Variants in LDLRAD3 observed in about 807,000 individuals in gnomAD.
The protein encoded by LDLRAD3 is low density lipoprotein receptor class A domain containing 3.
A neutral mutation model predicts 29.4 loss-of-function variants in LDLRAD3; 20 were observed. The observed-to-expected ratio is 0.68, with a 90% CI of 0.48 to 0.99. The LOEUF (loss-of-function observed/expected upper bound fraction) is 0.99. Ranked by LOEUF, LDLRAD3 falls within the 50% of genes least tolerant of loss-of-function variation. The pLI is 0.00. For synonymous variants in LDLRAD3, 157 were observed against 192.7 expected (o/e 0.81, Z 1.53); for missense variants, 420 against 454.3 (o/e 0.92, Z 0.69).
chr11:36,062,329 C>T (rs1852713695), intron 2 of LDLRAD3, among the ~76,000 whole-genome samples: 1 of 152,182 alleles, frequency 6.6e-6, no homozygotes. Context: ...GTTGGTTCTT[C>T]AACCTCAAAA....
At chr11:36,030,975 A>C (rs531125189) in intron 1 of LDLRAD3, among the ~76,000 whole-genome samples, 6 of 152,214 alleles carry the variant, frequency 3.9e-5, no homozygotes, top group Non-Finnish European at 7.3e-5. Flanking sequence ...TAGTTGCCCC[A>C]GTTTGGGCCC....
chr11:36,119,724 T>A (rs1177175606), intron 4 of LDLRAD3, among the ~76,000 whole-genome samples: 1 of 152,230 alleles, frequency 6.6e-6, no homozygotes, highest in Admixed American at 6.5e-5. Flanking sequence ...TTTTTAATTC[T>A]TCAGACAATT....
intron 1 of LDLRAD3, among the ~76,000 whole-genome samples, chr11:36,027,387 C>A (rs1052339143): frequency 6.6e-6 from 1 of 152,108 alleles, no homozygotes; most frequent in Non-Finnish European, 1.5e-5. Flanking sequence ...ATTGATACTT[C>A]GTGGGTTATA....
intron 3 of LDLRAD3, among the ~76,000 whole-genome samples, chr11:36,091,201 G>A (rs1410643749): frequency 5.9e-5 from 9 of 152,222 alleles, no homozygotes; most frequent in Admixed American, 5.9e-4. Context: ...TCAGGATGGA[G>A]AAGCCGATGG....
At chr11:36,181,953 A>C (rs1057190474) in intron 4 of LDLRAD3, among the ~76,000 whole-genome samples, 1 of 152,058 alleles carries the variant, frequency 6.6e-6, no homozygotes, top group Non-Finnish European at 1.5e-5. Flanking sequence ...ACACATATGC[A>C]CATCCTTATC....
At chr11:36,029,224 A>G (rs561182840) in intron 1 of LDLRAD3, among the ~76,000 whole-genome samples, 29 of 149,504 alleles carry the variant, frequency 1.9e-4, no homozygotes, top group Middle Eastern at 3.4e-3. Context: ...CAGCCTGGCA[A>G]CAGAGTAAGA....
chr11:36,203,183 A>C (rs1403755588), intron 4 of LDLRAD3, among the ~76,000 whole-genome samples: 1 of 152,044 alleles, frequency 6.6e-6, no homozygotes, highest in Non-Finnish European at 1.5e-5. Context: ...GTTCACCGTG[A>C]CCTTGAACTC....
intron 1 of LDLRAD3, among the ~76,000 whole-genome samples, chr11:35,960,420 G>GT (rs1396532967): frequency 1.3e-5 from 2 of 152,282 alleles, no homozygotes; most frequent in East Asian, 3.9e-4. Context: ...GGATTTGCAC[G>GT]TTTTCAACCT....
At chr11:35,949,294 C>G (rs1299137639) in intron 1 of LDLRAD3, among the ~76,000 whole-genome samples, 1 of 152,144 alleles carries the variant, frequency 6.6e-6, no homozygotes, top group Non-Finnish European at 1.5e-5. Flanking sequence ...AGGTGATAGG[C>G]AGGTGACAGC....
At chr11:36,101,710 A>G (rs1462426010) in intron 4 of LDLRAD3, among the ~76,000 whole-genome samples, 9 of 152,090 alleles carry the variant, frequency 5.9e-5, no homozygotes, top group Non-Finnish European at 7.4e-5. Context: ...TGTAACCTCT[A>G]TGTCCAAACC....
chr11:35,987,474 A>G (rs1851629407), intron 1 of LDLRAD3, among the ~76,000 whole-genome samples: 1 of 152,096 alleles, frequency 6.6e-6, no homozygotes, highest in Admixed American at 6.5e-5. Flanking sequence ...TGAATACCCA[A>G]TATTTAGCTC....
At chr11:35,957,761 G>A (rs1165867714) in intron 1 of LDLRAD3, among the ~76,000 whole-genome samples, 23 of 134,806 alleles carry the variant, frequency 1.7e-4, no homozygotes, top group African/African-American at 6.6e-4. Context: ...GTGCCATTGC[G>A]CTCCAGCCTG....
At chr11:36,090,327 A>G (rs1377596420) in intron 3 of LDLRAD3, among the ~76,000 whole-genome samples, 1 of 152,168 alleles carries the variant, frequency 6.6e-6, no homozygotes, top group Non-Finnish European at 1.5e-5. Flanking sequence ...TGGCCCTTTC[A>G]TAGCAGTAGG....
At chr11:36,181,875 CCT>C (rs919948286) in intron 4 of LDLRAD3, among the ~76,000 whole-genome samples, 1 of 151,902 alleles carries the variant, frequency 6.6e-6, no homozygotes, top group Non-Finnish European at 1.5e-5. Flanking sequence ...TCAACCGTCT[CCT>C]CTCTCTCTCT....
At chr11:36,141,546 T>G (rs1003237633) in intron 4 of LDLRAD3, among the ~76,000 whole-genome samples, 1 of 152,128 alleles carries the variant, frequency 6.6e-6, no homozygotes, top group Admixed American at 6.5e-5. Context: ...TCTGATCAAC[T>G]TTAGTACATG....
chr11:36,159,584 C>G (rs1854405594), intron 4 of LDLRAD3, among the ~76,000 whole-genome samples: 1 of 133,488 alleles, frequency 7.5e-6, no homozygotes, highest in African/African-American at 2.9e-5. Context: ...CATAGTAAAA[C>G]ACCGTCTTTA....
intron 4 of LDLRAD3, among the ~76,000 whole-genome samples, chr11:36,139,166 G>T (rs776028612): frequency 6.6e-6 from 1 of 152,172 alleles, no homozygotes; most frequent in Non-Finnish European, 1.5e-5. Flanking sequence ...TAGAATGTTA[G>T]CCAGCATCTC....
intron 4 of LDLRAD3, among the ~76,000 whole-genome samples, chr11:36,224,359 G>A (rs1163272828): frequency 2.0e-5 from 3 of 151,982 alleles, no homozygotes; most frequent in Non-Finnish European, 4.4e-5. Context: ...ATTCCCCCAA[G>A]GCTCCTAACT....
intron 1 of LDLRAD3, among the ~76,000 whole-genome samples, chr11:35,975,091 A>C (rs1033128464): frequency 1.3e-5 from 2 of 152,126 alleles, no homozygotes; most frequent in African/African-American, 4.8e-5. Context: ...GCAGCTCTTC[A>C]CTGGCTGAAC....
Sources: gnomAD v4.1 joint callset for allele counts (sites outside exome capture counted in the v4.1 genomes callset) on GRCh38, gnomAD v4.1.1 for gene constraint, MANE v1.5 for transcripts, NCBI Gene and HGNC (gene_info 2026-07-23, HGNC 2026-07-21) for gene names.